Variants in MEIKIN observed in about 807,000 individuals in gnomAD.
MEIKIN encodes the protein meiosis-specific kinetochore protein.
At chr5:131,865,366 T>C (rs6421902) in intron 9 of MEIKIN, among the ~76,000 whole-genome samples, 119,010 of 151,812 alleles carry the variant, frequency 0.78, 46,833 homozygotes, top group African/African-American at 0.83. Context: ...ACTGCAGGCA[T>C]GCGCCACCAT....
In MEIKIN at chr5:131,927,212, T is replaced by G. The variant is rs535337270; in HGVS notation, c.479-5271A>C. On this transcript the variant is annotated intron_variant, in intron 5 of 12. Transcript: ENST00000442687. ...CGAAGATATTTTCTAATTTCCCTTT[T>G]GATTTCTTCTTTGACTCACTGGTTA... is the stretch of plus-strand genomic sequence containing the variant. 5.3e-5 allele frequency among the ~76,000 whole-genome samples: 8 copies of G among 152,364 alleles called. No individual in the cohort carries two copies. The South Asian group carries it at 1.7e-3, about 32-fold the overall frequency.
Position 131,870,522 on chromosome 5 carries a change from A to G in MEIKIN, c.774+8456T>C, listed in dbSNP as rs373903181. 6.6e-5 allele frequency among the ~76,000 whole-genome samples: 10 copies of G among 152,250 alleles called. No individual in the cohort carries two copies. The East Asian group carries it at 1.4e-3, about 21-fold the overall frequency. On this transcript the variant is annotated intron_variant, in intron 9 of 12. Transcript: ENST00000442687. ...TTCCACGACTTAAAAAAAAATTATA[A>G]TACAGTACATCTGTTCCCCTGACCT...
At chr5:131,831,651 T>G (rs976389743) in intron 11 of MEIKIN, among the ~76,000 whole-genome samples, 2 of 152,220 alleles carry the variant, frequency 1.3e-5, no homozygotes, top group African/African-American at 4.8e-5. Context: ...TGATTGTAAC[T>G]GTATTAGTCT....
chr5:131,917,563 CAAAA>C (rs546218361), intron 6 of MEIKIN, among the ~76,000 whole-genome samples: 2 of 76,776 alleles, frequency 2.6e-5, no homozygotes, highest in Admixed American at 1.4e-4. Flanking sequence ...TACTCCATCT[CAAAA>C]AAAAAAAAAA....
intron 8 of MEIKIN, among the ~76,000 whole-genome samples, chr5:131,904,169 A>G (rs1751207319): frequency 6.6e-6 from 1 of 152,210 alleles, no homozygotes; most frequent in African/African-American, 2.4e-5. Flanking sequence ...AGATTCATAA[A>G]GCAAGTTCTT....
chr5:131,848,039 G>A (rs563116215), intron 11 of MEIKIN, among the ~76,000 whole-genome samples: 1 of 152,128 alleles, frequency 6.6e-6, no homozygotes, highest in South Asian at 2.1e-4. Context: ...GTGCTTAAAG[G>A]GAAATTTATG....
intron 9 of MEIKIN, among the ~76,000 whole-genome samples, chr5:131,871,739 G>C (rs1039080871): frequency 6.6e-6 from 1 of 152,324 alleles, no homozygotes; most frequent in African/African-American, 2.4e-5. Context: ...CTAACTGGGA[G>C]GCACCCCCCA....
At chr5:131,808,778 G>A (rs945885907) in intron 12 of MEIKIN, among the ~76,000 whole-genome samples, 1 of 152,120 alleles carries the variant, frequency 6.6e-6, no homozygotes, top group Non-Finnish European at 1.5e-5. Flanking sequence ...GAATGAGCAA[G>A]TAAAAAGTAA....
chr5:131,913,187 T>C (rs1751358013), intron 7 of MEIKIN, among the ~76,000 whole-genome samples: 1 of 152,186 alleles, frequency 6.6e-6, no homozygotes, highest in Non-Finnish European at 1.5e-5. Context: ...TCCTCAGCTT[T>C]TGCCTTTGAT....
chr5:131,870,715 C>T (rs146716871), intron 9 of MEIKIN, among the ~76,000 whole-genome samples: 4 of 152,236 alleles, frequency 2.6e-5, no homozygotes, highest in Non-Finnish European at 2.9e-5. Flanking sequence ...TGTATCCTAT[C>T]GATCAACTCT....
chr5:131,929,900 C>T (rs560751761), intron 5 of MEIKIN, among the ~76,000 whole-genome samples: 6 of 152,260 alleles, frequency 3.9e-5, no homozygotes, highest in Admixed American at 6.5e-5. Flanking sequence ...CCATGGTGTA[C>T]GTGTACTACA....
At chr5:131,913,255 T>C (rs1303689163) in intron 7 of MEIKIN, among the ~76,000 whole-genome samples, 21 of 152,234 alleles carry the variant, frequency 1.4e-4, no homozygotes, top group Non-Finnish European at 4.4e-5. Flanking sequence ...GGAAGTCATA[T>C]TGGGCATAAT....
chr5:131,916,058 A>T (rs1446151762), intron 7 of MEIKIN, among the ~76,000 whole-genome samples: 1 of 152,180 alleles, frequency 6.6e-6, no homozygotes, highest in African/African-American at 2.4e-5. Context: ...TTACTTTGTG[A>T]ATGTGCTACT....
At position 131,883,974 on chromosome 5, in the gene MEIKIN, G is replaced by T. The variant is rs564939435; in HGVS notation, c.704-4926C>A. On this transcript the variant is annotated intron_variant, in intron 8 of 12. Transcript: ENST00000442687. ...ACCCATGGAGGGAGTATTTAAACCA[G>T]ACCTAGCCAAAGGGAAATCGCCCAT... is the stretch of plus-strand genomic sequence containing the variant. Among the ~76,000 whole-genome samples, 3 of 152,286 alleles carry T rather than the reference G, an allele frequency of 2.0e-5. No homozygotes were observed. In the South Asian group the frequency reaches 6.2e-4, roughly 32 times the overall value.
intron 7 of MEIKIN, among the ~76,000 whole-genome samples, chr5:131,915,842 G>GT (rs1264308816): frequency 6.6e-6 from 1 of 152,124 alleles, no homozygotes; most frequent in Non-Finnish European, 1.5e-5. Flanking sequence ...CTTTGCACAT[G>GT]TAAGTAGTAG....
intron 11 of MEIKIN, among the ~76,000 whole-genome samples, chr5:131,830,989 C>T (rs1429311061): frequency 3.3e-5 from 5 of 152,086 alleles, no homozygotes; most frequent in Non-Finnish European, 7.4e-5. Flanking sequence ...CCTCTGCCTC[C>T]TGGGTTCAAG....
chr5:131,896,579 T>C (rs1253531297), intron 8 of MEIKIN, among the ~76,000 whole-genome samples: 1 of 152,224 alleles, frequency 6.6e-6, no homozygotes, highest in African/African-American at 2.4e-5. Context: ...ATTGGATGCA[T>C]ATATATTTAG....
chr5:131,926,652 A>T (rs1456386783), intron 5 of MEIKIN, among the ~76,000 whole-genome samples: 6 of 152,196 alleles, frequency 3.9e-5, no homozygotes, highest in Non-Finnish European at 8.8e-5. Flanking sequence ...CAGTGAAGCC[A>T]TCTGGTCCTG....
intron 8 of MEIKIN, among the ~76,000 whole-genome samples, chr5:131,889,305 A>G (rs1397123008): frequency 2.0e-5 from 3 of 152,186 alleles, no homozygotes; most frequent in Non-Finnish European, 2.9e-5. Context: ...CTGGGGCAGT[A>G]TGGCCACTTT....
Sources: allele counts gnomAD v4.1 joint callset (sites outside exome capture counted in the v4.1 genomes callset), GRCh38; gene constraint gnomAD v4.1.1; transcripts MANE v1.5; gene names NCBI Gene and HGNC (gene_info 2026-07-23, HGNC 2026-07-21).